Variants in CDK13 observed in about 807,000 individuals in gnomAD.
The protein encoded by CDK13 is cyclin-dependent kinase 13.
CDK13 carries 40 observed loss-of-function variants against 137.6 expected under a neutral mutation model. That is an observed-to-expected ratio of 0.29 (90% CI 0.23 to 0.38). The LOEUF (loss-of-function observed/expected upper bound fraction) is 0.38. CDK13 is among the 10% of genes least tolerant of loss of function. The pLI, the probability that CDK13 is intolerant of heterozygous loss-of-function variation, is 1.00. For synonymous variants in CDK13, 869 were observed against 760.1 expected (o/e 1.14, Z -2.36); for missense variants, 1,704 against 1,951.8 (o/e 0.87, Z 2.39).
intron 1 of CDK13, among the ~76,000 whole-genome samples, chr7:39,955,984 A>C (rs1402804185): frequency 1.3e-5 from 2 of 152,190 alleles, no homozygotes; most frequent in Non-Finnish European, 2.9e-5. Flanking sequence ...GGTGGACTCT[A>C]AATATAAATA....
chr7:40,063,846 C>A (rs966286789), intron 9 of CDK13, among the ~76,000 whole-genome samples: 1 of 151,826 alleles, frequency 6.6e-6, no homozygotes, highest in Non-Finnish European at 1.5e-5. Flanking sequence ...GTAGCAGAGA[C>A]GGGGTTTCAC....
At chr7:40,044,838 GT>G (rs1449341470) in intron 5 of CDK13, among the ~76,000 whole-genome samples, 5 of 151,896 alleles carry the variant, frequency 3.3e-5, no homozygotes, top group Admixed American at 6.6e-5. Context: ...GGGTTTCACT[GT>G]GTCAACCAGG....
At chr7:40,021,118 T>TACAC (rs1326611140) in intron 5 of CDK13, among the ~76,000 whole-genome samples, 3,555 of 107,068 alleles carry the variant, frequency 0.033, 168 homozygotes, top group African/African-American at 0.094. Context: ...TATATATATA[T>TACAC]ATATACACAC....
At chr7:40,059,318 T>TC (rs1475213617) in intron 7 of CDK13, 1 of 152,678 alleles carries the variant, frequency 6.5e-6, no homozygotes, top group Non-Finnish European at 1.5e-5. Flanking sequence ...TTCCCTGCCC[T>TC]CCATCTCTGG....
At chr7:40,052,952 C>T (rs777255538) in intron 7 of CDK13, among the ~76,000 whole-genome samples, 5 of 151,696 alleles carry the variant, frequency 3.3e-5, no homozygotes, top group Non-Finnish European at 5.9e-5. Context: ...AAGATTGGAA[C>T]CATGGTAATA....
At chr7:40,088,589 C>G (rs1786843501) in intron 12 of CDK13, among the ~76,000 whole-genome samples, 1 of 152,122 alleles carries the variant, frequency 6.6e-6, no homozygotes, top group Non-Finnish European at 1.5e-5. Context: ...CCTTTTTACT[C>G]TTAGTGCAGG....
chr7:39,950,496 A>G lies in CDK13; in HGVS notation c.-146A>G. On this transcript the variant is annotated 5_prime_UTR_variant, in exon 1 of 14. Coordinates refer to ENST00000181839, the MANE Select transcript of CDK13 (RefSeq NM_003718.5). ...CTGGAACCCAGGGACCCGAGTCCCG[A>G]CCCGGATTATCGTGGCGCTTTTCCC... The G allele has an allele frequency of 7.9e-7, 1 of 1,261,872 alleles. No homozygotes were observed. Among genetic ancestry groups the G allele is most frequent in the Non-Finnish European group, 1.0e-6 (1 of 1,004,734 alleles). The allele number at this position is 1,261,872 out of a possible 1,614,324, so 78.2% of individuals were successfully genotyped here.
chr7:40,018,571 TCA>T (rs1195441854), intron 5 of CDK13, among the ~76,000 whole-genome samples: 1 of 152,154 alleles, frequency 6.6e-6, no homozygotes, highest in African/African-American at 2.4e-5. Flanking sequence ...GGAATACTAC[TCA>T]GCCATAAAAA....
At chr7:40,010,820 C>A (rs1046241825) in intron 5 of CDK13, among the ~76,000 whole-genome samples, 5 of 152,042 alleles carry the variant, frequency 3.3e-5, no homozygotes, top group Non-Finnish European at 5.9e-5. Context: ...TAAGTAAGTT[C>A]AGCAAAGTGG....
intron 7 of CDK13, chr7:40,048,173 T>C: frequency 4.3e-6 from 1 of 230,296 alleles, no homozygotes; most frequent in Non-Finnish European, 8.4e-6. Flanking sequence ...ATATTAAATA[T>C]TCTTAATGAA....
At chr7:40,087,697 C>T (rs1041111427) in intron 11 of CDK13, among the ~76,000 whole-genome samples, 10 of 151,684 alleles carry the variant, frequency 6.6e-5, no homozygotes, top group South Asian at 2.1e-4. Context: ...TACAGGTGCC[C>T]GCCACCACGC....
chr7:40,079,374 A>G (rs1454231043), intron 11 of CDK13, among the ~76,000 whole-genome samples: 3 of 152,000 alleles, frequency 2.0e-5, no homozygotes, highest in African/African-American at 7.2e-5. Flanking sequence ...AGCCAAGATC[A>G]TGGCATTGCA....
At chr7:40,024,864 A>G (rs765900777) in intron 5 of CDK13, among the ~76,000 whole-genome samples, 27 of 152,120 alleles carry the variant, frequency 1.8e-4, no homozygotes, top group Non-Finnish European at 3.2e-4. Context: ...GGGTTTCACC[A>G]TGTTAGCCAG....
intron 7 of CDK13, among the ~76,000 whole-genome samples, chr7:40,058,624 A>G (rs552855358): frequency 1.3e-5 from 2 of 152,170 alleles, no homozygotes; most frequent in South Asian, 2.1e-4. Flanking sequence ...CAGTTAAGAT[A>G]TTGTTGTGGT....
At chr7:39,953,987 G>A (rs1011276135) in intron 1 of CDK13, among the ~76,000 whole-genome samples, 5 of 152,186 alleles carry the variant, frequency 3.3e-5, no homozygotes, top group Admixed American at 3.3e-4. Context: ...TCTTTTTAAA[G>A]CATGCAGCCT....
chr7:39,996,561 AAATT>A (rs1470410559), intron 2 of CDK13, among the ~76,000 whole-genome samples: 4 of 152,226 alleles, frequency 2.6e-5, no homozygotes, highest in South Asian at 4.1e-4. Context: ...CAATTTAGAA[AAATT>A]AATTAACCCT....
intron 1 of CDK13, among the ~76,000 whole-genome samples, chr7:39,973,831 T>G (rs1364118423): frequency 6.6e-6 from 1 of 152,236 alleles, no homozygotes; most frequent in African/African-American, 2.4e-5. Flanking sequence ...CACCATTTGT[T>G]GAAAAGAGTA....
At chr7:39,976,665 A>G (rs890621337) in intron 1 of CDK13, among the ~76,000 whole-genome samples, 1 of 152,120 alleles carries the variant, frequency 6.6e-6, no homozygotes, top group Non-Finnish European at 1.5e-5. Flanking sequence ...TTTTTTCTAT[A>G]CATACATACC....
At chr7:40,062,743 C>T (rs768061199) in intron 7 of CDK13, 83 bp from the exon 8 acceptor site, 105 of 994,042 alleles carry the variant, frequency 1.1e-4, no homozygotes, top group Middle Eastern at 1.1e-3. Context: ...ATAGGGATTG[C>T]TTTAGTAAAA....
Sources: gnomAD v4.1 joint callset for allele counts (sites outside exome capture counted in the v4.1 genomes callset) on GRCh38, gnomAD v4.1.1 for gene constraint, MANE v1.5 for transcripts, NCBI Gene and HGNC (gene_info 2026-07-23, HGNC 2026-07-21) for gene names.